The following C2orf15 variants were observed in gnomAD, a reference collection of about 807,000 sequenced individuals.
The protein encoded by C2orf15 is chromosome 2 open reading frame 15.
A neutral mutation model predicts 4.4 loss-of-function variants in C2orf15; 3 were observed. The observed-to-expected ratio is 0.67, with a 90% CI of 0.31 to 1.74. The LOEUF (loss-of-function observed/expected upper bound fraction) is 1.74. Ranked by LOEUF, C2orf15 falls within the 40% of genes most tolerant of loss-of-function variation. The pLI is 0.09. For missense variants in C2orf15, 90 were observed against 103.3 expected, an observed-to-expected ratio of 0.87 and a Z score of 0.56; for synonymous variants, 37 against 36.8, an observed-to-expected ratio of 1.00 and a Z score of -0.02.
intron 2 of C2orf15, among the ~76,000 whole-genome samples, chr2:99,143,677 G>A (rs186919492): frequency 3.0e-4 from 45 of 151,688 alleles, no homozygotes; most frequent in African/African-American, 1.1e-3. Flanking sequence ...TCACCATGTT[G>A]CCCAGGCTGG....
rs927341655 is a variant in C2orf15, at chr2:99,141,834, T to G, written c.-389T>G. On this transcript the variant is annotated 5_prime_UTR_variant, in exon 1 of 4. Transcript: ENST00000650052. ...TCGGTGAACCGGTTACTCTCAGAGC[T>G]GCTTTCGGGCGCAGCTCCTGCTGCA... The G allele has an allele frequency of 2.6e-5, 4 of 152,430 alleles. No individual in the cohort carries two copies. The highest frequency in any genetic ancestry group is 9.6e-5 in the African/African-American group (4 of 41,462). The allele number at this position is 152,430 out of a possible 1,614,324, so 9.4% of individuals were successfully genotyped here. A position where few individuals can be genotyped will look rare whatever the true frequency, so the allele number is the denominator to read the frequency against.
intron 2 of C2orf15, among the ~76,000 whole-genome samples, chr2:99,144,436 G>C (rs143575527): frequency 2.0e-5 from 3 of 151,516 alleles, no homozygotes; most frequent in East Asian, 3.9e-4. Flanking sequence ...TCACTCTCCC[G>C]AACTGCCTGT....
intron 2 of C2orf15, 77 bp downstream of exon 2, chr2:99,142,478 A>T (rs1329117564): frequency 6.6e-6 from 1 of 152,220 alleles, no homozygotes; most frequent in Non-Finnish European, 1.5e-5. Flanking sequence ...ATTTAGTCAT[A>T]AAAATACATT....
At chr2:99,142,509 T>C (rs1005782550) in intron 2 of C2orf15, 108 bp downstream of exon 2, 1 of 152,236 alleles carries the variant, frequency 6.6e-6, no homozygotes, top group African/African-American at 2.4e-5. Flanking sequence ...GCCATGTTTT[T>C]CCAATGTCTT....
chr2:99,146,546 C>T (rs1240941701), intron 2 of C2orf15, among the ~76,000 whole-genome samples: 2 of 152,086 alleles, frequency 1.3e-5, no homozygotes, highest in African/African-American at 2.4e-5. Context: ...AGAAATCTTT[C>T]TTCACTCCAA....
At chr2:99,148,817 A>G (rs2093658601) in intron 3 of C2orf15, among the ~76,000 whole-genome samples, 1 of 152,184 alleles carries the variant, frequency 6.6e-6, no homozygotes, top group African/African-American at 2.4e-5. Flanking sequence ...CTAAAAATAC[A>G]AACGTTAGAG....
intron 2 of C2orf15, among the ~76,000 whole-genome samples, chr2:99,144,961 G>A (rs766303144): frequency 2.2e-4 from 34 of 152,158 alleles, no homozygotes; most frequent in Non-Finnish European, 4.3e-4. Context: ...TGTTTGCTAC[G>A]GCTGTGCAAC....
chr2:99,146,863 G>A (rs11693427), intron 2 of C2orf15, among the ~76,000 whole-genome samples: 88,321 of 151,966 alleles, frequency 0.58, 26,534 homozygotes, highest in East Asian at 0.88. Flanking sequence ...TCCTGACCTC[G>A]TGATCCGCCC....
intron 2 of C2orf15, among the ~76,000 whole-genome samples, chr2:99,144,023 TTTTG>T (rs777313997): frequency 5.3e-5 from 8 of 150,688 alleles, no homozygotes; most frequent in Non-Finnish European, 8.9e-5. Flanking sequence ...TGTTCCTTTT[TTTTG>T]TTTGTTTTTT....
Position 99,151,059 on chromosome 2 carries a change from C to A in C2orf15, c.*225C>A. On this transcript the variant is annotated 3_prime_UTR_variant, in exon 4 of 4. Transcript: ENST00000650052. Reference sequence around the variant, plus strand: ...CTTCCAAGATTCAAAGCAGATTTCTCTGGTATTATATTATATCCTTCTTAA... The same window carrying A: ...CTTCCAAGATTCAAAGCAGATTTCTATGGTATTATATTATATCCTTCTTAA... 2.5e-6 allele frequency: 1 copy of A among 405,548 alleles called. No homozygotes were observed. Among genetic ancestry groups the A allele is most frequent in the Non-Finnish European group, 4.4e-6 (1 of 226,186 alleles). 25.1% of individuals were successfully genotyped at this position (405,548 alleles called of 1,614,324 possible).
chr2:99,143,326 G>C (rs1456393624), intron 2 of C2orf15, among the ~76,000 whole-genome samples: 1 of 150,420 alleles, frequency 6.6e-6, no homozygotes, highest in Non-Finnish European at 1.5e-5. Context: ...TTTGTTTTTT[G>C]TTTTTTGTAT....
At position 99,150,899 on chromosome 2, in the gene C2orf15, G is replaced by A. The variant is rs1016001642; in HGVS notation, c.*65G>A. 35 of 1,035,946 alleles carry A rather than the reference G, an allele frequency of 3.4e-5. No homozygotes were observed. The highest frequency in any genetic ancestry group is 5.0e-5 in the Non-Finnish European group (35 of 701,444). 64.2% of individuals were successfully genotyped at this position (1,035,946 alleles called of 1,614,324 possible). A position where few individuals can be genotyped will look rare whatever the true frequency, so the allele number is the denominator to read the frequency against. On this transcript the variant is annotated 3_prime_UTR_variant, in exon 4 of 4. Transcript: ENST00000650052. ...TTTGACTAAGGGGGGTGTTGAAAGAGAACTTAACCTTATTAGGAAACCCTG... is the reference window on the plus strand; with the variant it reads ...TTTGACTAAGGGGGGTGTTGAAAGAAAACTTAACCTTATTAGGAAACCCTG...
At chr2:99,141,959 T>G (rs6725089) in intron 1 of C2orf15, 22 bp downstream of exon 1, 105 of 152,474 alleles carry the variant, frequency 6.9e-4, no homozygotes, top group African/African-American at 2.5e-3. Context: ...CAGCCTGGAG[T>G]CAGGGGAGCC....
chr2:99,143,164 CAG>C (rs1362368356), intron 2 of C2orf15, among the ~76,000 whole-genome samples: 8 of 100,908 alleles, frequency 7.9e-5, no homozygotes, highest in African/African-American at 2.7e-4. Flanking sequence ...TTTTTTGAGA[CAG>C]AGTCTCACTC....
Position 99,144,457 on chromosome 2 carries a change from C to G in C2orf15, c.-169+2056C>G, listed in dbSNP as rs543190131. On this transcript the variant is annotated intron_variant, in intron 2 of 3. Coordinates refer to ENST00000650052, the MANE Select transcript of C2orf15 (RefSeq NM_144706.4). ...TCCCGAACTGCCTGTTGTCCAATATCTAAAAGCCATTGCTTCATGTGTTTT... is the reference window on the plus strand; with the variant it reads ...TCCCGAACTGCCTGTTGTCCAATATGTAAAAGCCATTGCTTCATGTGTTTT... Among the ~76,000 whole-genome samples the G allele has an allele frequency of 2.6e-5, 4 of 151,844 alleles. No individual in the cohort carries two copies. The South Asian group carries it at 8.3e-4, about 32-fold the overall frequency.
chr2:99,143,029 A>G (rs550050625), intron 2 of C2orf15, among the ~76,000 whole-genome samples: 3 of 151,944 alleles, frequency 2.0e-5, no homozygotes, highest in South Asian at 4.2e-4. Flanking sequence ...TTTTTTTCCT[A>G]TCAAGAACTG....
chr2:99,146,357 G>C lies in C2orf15; in HGVS notation c.-168-1045G>C, dbSNP rs1574762783. ...TTTCTTTTTCCTTGCTAATTTCTAG[G>C]TGTTCTCTTTTTATTCCAGCCATTA... On this transcript the variant is annotated intron_variant, in intron 2 of 3. Transcript: ENST00000650052. Among the ~76,000 whole-genome samples the C allele has an allele frequency of 2.6e-5, 4 of 152,100 alleles. No homozygotes were observed. The East Asian group carries it at 5.8e-4, about 22-fold the overall frequency.
In C2orf15 at chr2:99,149,428, T is replaced by C. The variant is rs1402361654; in HGVS notation, c.-76-1055T>C. Among the ~76,000 whole-genome samples the C allele has an allele frequency of 2.0e-5, 3 of 149,044 alleles. No individual in the cohort carries two copies. The East Asian group carries it at 6.1e-4, about 30-fold the overall frequency. On this transcript the variant is annotated intron_variant, in intron 3 of 3. Coordinates refer to ENST00000650052, the MANE Select transcript of C2orf15 (RefSeq NM_144706.4). The stretch of plus-strand genomic sequence containing the variant: ...GGAAACTTCCCAAGGCCTCCCTCCA[T>C]GCTACATGATCATCTTTTTTTTTTT...
intron 2 of C2orf15, among the ~76,000 whole-genome samples, chr2:99,145,500 GTCACCC>G (rs2093622588): frequency 6.6e-6 from 1 of 151,696 alleles, no homozygotes; most frequent in Admixed American, 6.6e-5. Flanking sequence ...GGAGGCTGCA[GTCACCC>G]TAGATCACAC....
Sources: allele counts gnomAD v4.1 joint callset (sites outside exome capture counted in the v4.1 genomes callset), GRCh38; gene constraint gnomAD v4.1.1; transcripts MANE v1.5; gene names NCBI Gene and HGNC (gene_info 2026-07-23, HGNC 2026-07-21).